Variants in CDKL3 observed in about 807,000 individuals in gnomAD.
CDKL3 encodes cyclin-dependent kinase-like 3.
In CDKL3, 65 loss-of-function variants were observed where a neutral mutation model predicts 69.3. The ratio of observed to expected loss-of-function variants is 0.94; its 90% CI spans 0.77 to 1.15. CDKL3 has a LOEUF of 1.15. CDKL3 is among the 50% of genes most tolerant of loss of function. The pLI, the probability that CDKL3 is intolerant of heterozygous loss-of-function variation, is 0.00. For synonymous variants in CDKL3, 202 were observed against 221.6 expected (o/e 0.91, Z 0.79); for missense variants, 652 against 689.2 (o/e 0.95, Z 0.61).
At chr5:134,304,810 C>A (rs1028930001) in intron 10 of CDKL3, among the ~76,000 whole-genome samples, 2 of 140,904 alleles carry the variant, frequency 1.4e-5, no homozygotes, top group Non-Finnish European at 3.0e-5. Flanking sequence ...TCATGAGAAC[C>A]ACAATAATAA....
intron 4 of CDKL3, among the ~76,000 whole-genome samples, chr5:134,330,041 T>C (rs774633769): frequency 2.0e-5 from 3 of 151,440 alleles, no homozygotes; most frequent in Non-Finnish European, 4.4e-5. Context: ...ATAATAATGA[T>C]ACTCTAAGAA....
At chr5:134,357,296 T>C (rs1246792379) in intron 3 of CDKL3, among the ~76,000 whole-genome samples, 1 of 151,812 alleles carries the variant, frequency 6.6e-6, no homozygotes, top group Admixed American at 6.6e-5. Flanking sequence ...ATACAAAAAT[T>C]AGCCGGGCAT....
At chr5:134,347,117 T>C (rs1752090812) in intron 4 of CDKL3, among the ~76,000 whole-genome samples, 1 of 151,868 alleles carries the variant, frequency 6.6e-6, no homozygotes, top group Non-Finnish European at 1.5e-5. Context: ...AAACAGAAAC[T>C]GGGTGAGGAC....
At chr5:134,331,293 CTTTT>C (rs932104380) in intron 4 of CDKL3, among the ~76,000 whole-genome samples, 1 of 151,954 alleles carries the variant, frequency 6.6e-6, no homozygotes, top group Non-Finnish European at 1.5e-5. Context: ...TTCCTCCTTT[CTTTT>C]TTTAATTTAA....
chr5:134,301,624 A>G (rs565998615), intron 12 of CDKL3, among the ~76,000 whole-genome samples: 1 of 152,226 alleles, frequency 6.6e-6, no homozygotes, highest in Non-Finnish European at 1.5e-5. Flanking sequence ...GCTCACACCT[A>G]TAATCCCAGC....
downstream of CDKL3, among the ~76,000 whole-genome samples, chr5:134,297,524 C>A (rs947839807): frequency 6.6e-6 from 1 of 151,902 alleles, no homozygotes. Flanking sequence ...TCATTGCTGA[C>A]CAACAGAACA....
intron 7 of CDKL3, among the ~76,000 whole-genome samples, chr5:134,311,029 T>C (rs1769323523): frequency 1.3e-5 from 2 of 152,234 alleles, no homozygotes; most frequent in South Asian, 4.1e-4. Context: ...AAACTTTTCC[T>C]GTTTCTTTCA....
upstream of CDKL3, chr5:134,371,456 A>T (rs570353315): frequency 1.3e-5 from 13 of 1,025,308 alleles, no homozygotes; most frequent in South Asian, 1.7e-4. Context: ...ACGTCATTGC[A>T]GGGTTGTTTG....
At chr5:134,371,600 C>G (rs1331643172), upstream of CDKL3, 3 of 1,612,672 alleles carry the variant, frequency 1.9e-6, no homozygotes, top group Admixed American at 1.7e-5. Flanking sequence ...CGGAGCATGT[C>G]GACCCCGGCC....
intron 4 of CDKL3, among the ~76,000 whole-genome samples, chr5:134,329,778 A>G (rs1268560456): frequency 6.6e-6 from 1 of 152,098 alleles, no homozygotes; most frequent in Non-Finnish European, 1.5e-5. Context: ...ATTAATTTTA[A>G]AAAGCAATTA....
intron 6 of CDKL3, among the ~76,000 whole-genome samples, chr5:134,316,475 G>A (rs919627249): frequency 6.6e-6 from 1 of 151,968 alleles, no homozygotes; most frequent in African/African-American, 2.4e-5. Flanking sequence ...GAGTGTGCCT[G>A]TAATCTGAGC....
chr5:134,343,994 C>T (rs1430723277), intron 4 of CDKL3, among the ~76,000 whole-genome samples: 1 of 152,208 alleles, frequency 6.6e-6, no homozygotes, highest in Non-Finnish European at 1.5e-5. Flanking sequence ...TGAGCAGTTA[C>T]ACTTACATCT....
chr5:134,342,698 T>A (rs1307157775), intron 4 of CDKL3, among the ~76,000 whole-genome samples: 1 of 152,248 alleles, frequency 6.6e-6, no homozygotes, highest in Non-Finnish European at 1.5e-5. Flanking sequence ...TTAACATTTT[T>A]AAGACAGCAA....
chr5:134,333,528 G>A (rs1776310149), intron 4 of CDKL3, among the ~76,000 whole-genome samples: 1 of 152,208 alleles, frequency 6.6e-6, no homozygotes, highest in Non-Finnish European at 1.5e-5. Flanking sequence ...AAGAAATGCT[G>A]TTGAATTTTG....
At chr5:134,343,230 G>A (rs566087899) in intron 4 of CDKL3, among the ~76,000 whole-genome samples, 23 of 151,822 alleles carry the variant, frequency 1.5e-4, no homozygotes, top group East Asian at 3.9e-4. Context: ...AAGAAAGTGC[G>A]TTGCTGGAAA....
chr5:134,343,765 C>T, intron 4 of CDKL3, among the ~76,000 whole-genome samples: 1 of 152,164 alleles, frequency 6.6e-6, no homozygotes, highest in Non-Finnish European at 1.5e-5. Flanking sequence ...TGATTTCAAA[C>T]CTGATCAATC....
At chr5:134,359,803 G>A in intron 3 of CDKL3, 94 bp downstream of exon 3, 1 of 838,882 alleles carries the variant, frequency 1.2e-6, no homozygotes, top group Admixed American at 3.2e-5. Context: ...TATAGAAAAA[G>A]AATGTTAGCC....
intron 8 of CDKL3, among the ~76,000 whole-genome samples, chr5:134,289,421 T>C (rs1765025379): frequency 6.6e-6 from 1 of 152,152 alleles, no homozygotes; most frequent in South Asian, 2.1e-4. Context: ...ATAATAATAC[T>C]GTTCAATGTA....
chr5:134,357,122 G>A (rs1314805417), intron 3 of CDKL3, among the ~76,000 whole-genome samples: 2 of 152,078 alleles, frequency 1.3e-5, no homozygotes, highest in Non-Finnish European at 2.9e-5. Context: ...TATTTAGTAT[G>A]GGTCTATCCA....
Sources: gnomAD v4.1 joint callset for allele counts (sites outside exome capture counted in the v4.1 genomes callset) on GRCh38, gnomAD v4.1.1 for gene constraint, MANE v1.5 for transcripts, NCBI Gene and HGNC (gene_info 2026-07-23, HGNC 2026-07-21) for gene names.